The following KCTD19 variants were observed in gnomAD, a reference collection of about 807,000 sequenced individuals.
The protein encoded by KCTD19 is BTB/POZ domain-containing protein KCTD19.
Under a neutral mutation model 103.5 loss-of-function variants are expected in KCTD19, and 67 were observed. That is an observed-to-expected ratio of 0.65 (90% CI 0.53 to 0.79). The LOEUF (loss-of-function observed/expected upper bound fraction) is 0.79. KCTD19 is among the 30% of genes least tolerant of loss of function. KCTD19 has a pLI of 0.00. For synonymous variants in KCTD19, 439 were observed against 452.2 expected (o/e 0.97, Z 0.37); for missense variants, 980 against 1,136.1 (o/e 0.86, Z 1.98).
intron 7 of KCTD19, among the ~76,000 whole-genome samples, chr16:67,297,092 C>T (rs1290484289): frequency 1.3e-5 from 2 of 152,232 alleles, no homozygotes; most frequent in Non-Finnish European, 2.9e-5. Context: ...CTCAGTCAAA[C>T]CCCAGCTTGA....
rs1284583888 is a variant in KCTD19, at chr16:67,299,693, T to A, written c.776-120A>T. On this transcript the variant is annotated intron_variant, in intron 5 of 15. Coordinates refer to ENST00000304372, the MANE Select transcript of KCTD19 (RefSeq NM_001100915.3). The stretch of plus-strand genomic sequence containing the variant: ...ACCGAGGAGGCTCAGAGGAAGGATA[T>A]TTCTTTGCACAGTCCAAATCAAGAT... 4 of 757,686 alleles carry A rather than the reference T, an allele frequency of 5.3e-6. No homozygotes were observed. The African/African-American group carries it at 7.0e-5, about 13-fold the overall frequency. The allele number at this position is 757,686 out of a possible 1,614,324, so 46.9% of individuals were successfully genotyped here. A position where few individuals can be genotyped will look rare whatever the true frequency, so the allele number is the denominator to read the frequency against.
rs900322469 is a variant in KCTD19, at chr16:67,297,651, C to G, written c.999G>C (p.Gly333=). ...TCTCTGTCAGGGGCAGCCGGCAAGT[C>G]CCCAGCCAGTTCCTGCCCAGAGGAA... is the stretch of plus-strand genomic sequence containing the variant. ...VLFQHVKNWL[G]TCRLPLTETI... The change falls in exon 7 of 16, where the codon GGG becomes GGC. Residue 333 remains glycine, a synonymous_variant. Coordinates refer to ENST00000304372, the MANE Select transcript of KCTD19 (RefSeq NM_001100915.3). 6.2e-7 allele frequency: 1 copy of G among 1,613,656 alleles called. No individual in the cohort carries two copies. Among genetic ancestry groups the G allele is most frequent in the African/African-American group, 1.3e-5 (1 of 74,908 alleles).
chr16:67,311,867 C>T (rs543223923), intron 2 of KCTD19, among the ~76,000 whole-genome samples: 1 of 152,258 alleles, frequency 6.6e-6, no homozygotes, highest in South Asian at 2.1e-4. Flanking sequence ...CATCCACTTA[C>T]CCACACCACA....
intron 1 of KCTD19, among the ~76,000 whole-genome samples, chr16:67,321,412 T>C (rs1056963620): frequency 2.0e-5 from 3 of 152,086 alleles, no homozygotes; most frequent in Non-Finnish European, 2.9e-5. Flanking sequence ...TTGTTGAAAA[T>C]TTAAAAGACC....
rs2037098850 is a variant in KCTD19, at chr16:67,323,606, G to T, written c.4-2721C>A. ...ATTCGAAACATTATGCCAAGGGAAA[G>T]AAGCCAAACAAAAAATCACATATGA... On this transcript the variant is annotated intron_variant, in intron 1 of 15. Transcript: ENST00000304372. The surrounding 1 kb of genome is among the most constrained non-coding windows in gnomAD (Gnocchi z 4.1). Among the ~76,000 whole-genome samples the T allele has an allele frequency of 1.3e-5, 2 of 152,296 alleles. No individual in the cohort carries two copies. The highest frequency in any genetic ancestry group is 1.9e-4 in the East Asian group (1 of 5,186).
At chr16:67,322,810 GT>G (rs2037090214) in intron 1 of KCTD19, among the ~76,000 whole-genome samples, 1 of 152,154 alleles carries the variant, frequency 6.6e-6, no homozygotes, top group Admixed American at 6.5e-5. Context: ...CAAATCATTT[GT>G]CTGATAAAGA....
At chr16:67,313,623 C>T (rs1473516605) in intron 2 of KCTD19, among the ~76,000 whole-genome samples, 1 of 152,110 alleles carries the variant, frequency 6.6e-6, no homozygotes. Context: ...GAGTCTTGCT[C>T]TGCTGCCCAG....
chr16:67,296,287 T>G (rs1024591366), intron 7 of KCTD19, 28 bp from the exon 8 acceptor site: 2 of 1,404,668 alleles, frequency 1.4e-6, no homozygotes, highest in African/African-American at 2.8e-5. Context: ...ATAGAACACA[T>G]CATCATATGG....
intron 1 of KCTD19, among the ~76,000 whole-genome samples, chr16:67,325,714 C>A (rs1239968129): frequency 6.6e-6 from 1 of 152,106 alleles, no homozygotes; most frequent in African/African-American, 2.4e-5. Flanking sequence ...GCAGAGCTAT[C>A]GCAGCCTGGC....
chr16:67,290,201 G>A (rs1392852268), intron 15 of KCTD19, among the ~76,000 whole-genome samples: 2 of 131,916 alleles, frequency 1.5e-5, no homozygotes, highest in Admixed American at 8.1e-5. Flanking sequence ...TTTTTGAGAC[G>A]GAGTCTCGCT....
Position 67,326,738 on chromosome 16 carries a change from T to C in KCTD19, c.-31A>G. 1 of 1,564,382 alleles carries C rather than the reference T, an allele frequency of 6.4e-7. No homozygotes were observed. The highest frequency in any genetic ancestry group is 8.6e-7 in the Non-Finnish European group (1 of 1,161,230). ...CGGCTCCAGCAGCGGGCGGGCGGGC[T>C]TGTGACCCGGCCAATAACGGTTCCC... On this transcript the variant is annotated 5_prime_UTR_variant, in exon 1 of 16. Transcript: ENST00000304372.
At position 67,289,444 on chromosome 16, in the gene KCTD19, T is replaced by C. The variant is rs2036639793; in HGVS notation, c.*125A>G. 3.6e-6 allele frequency: 2 copies of C among 560,964 alleles called. No homozygotes were observed. The highest frequency in any genetic ancestry group is 5.5e-5 in the South Asian group (2 of 36,198). 34.7% of individuals were successfully genotyped at this position (560,964 alleles called of 1,614,324 possible). Reference sequence around the variant, plus strand: ...TAGGTCTTTGATGTGTGATTTAATCTTTTATTTGTTTATAATAAAAAATAG... The same window carrying C: ...TAGGTCTTTGATGTGTGATTTAATCCTTTATTTGTTTATAATAAAAAATAG... On this transcript the variant is annotated 3_prime_UTR_variant, in exon 16 of 16. Coordinates refer to ENST00000304372, the MANE Select transcript of KCTD19 (RefSeq NM_001100915.3).
intron 5 of KCTD19, chr16:67,299,927 C>T (rs1000217128): frequency 2.5e-5 from 6 of 241,920 alleles, no homozygotes; most frequent in Admixed American, 5.5e-5. Context: ...AGGTAAAGAA[C>T]GGCAACCATG....
Position 67,303,138 on chromosome 16 carries a change from GCAATCACCAATGAA to G in KCTD19, c.637_643+7del. The G allele has an allele frequency of 6.3e-7, 1 of 1,597,754 alleles. No individual in the cohort carries two copies. On this transcript the variant is annotated splice_donor_variant and splice_donor_5th_base_variant and coding_sequence_variant and intron_variant, in exon 4 of 16. Coordinates refer to ENST00000304372, the MANE Select transcript of KCTD19 (RefSeq NM_001100915.3). LOFTEE classifies it high-confidence loss of function. The surrounding 1 kb of genome is among the most constrained non-coding windows in gnomAD (Gnocchi z 4.3). The stretch of plus-strand genomic sequence containing the variant: ...CGCCCCCCACCCCACCCCGGACAGA[GCAATCACCAATGAA>G]GCGGAACTCGCTGCACTCGCACTCG...
chr16:67,291,236 C>T, intron 14 of KCTD19, 73 bp downstream of exon 14: 1 of 1,543,232 alleles, frequency 6.5e-7, no homozygotes, highest in Non-Finnish European at 8.8e-7. Flanking sequence ...TGCCTTGCAC[C>T]ACTTATTGTG....
Position 67,326,723 on chromosome 16 carries a change from AGCGG to A in KCTD19, c.-20_-17del, listed in dbSNP as rs747767867. ...TCCGTACCATGGTCGCGGCTCCAGC[AGCGG>A]GCGGGCGGGCTTGTGACCCGGCCAA... On this transcript the variant is annotated 5_prime_UTR_variant, in exon 1 of 16. Coordinates refer to ENST00000304372, the MANE Select transcript of KCTD19 (RefSeq NM_001100915.3). 18 of 1,573,992 alleles carry A rather than the reference AGCGG, an allele frequency of 1.1e-5. No individual in the cohort carries two copies. The highest frequency in any genetic ancestry group is 1.0e-4 in the East Asian group (4 of 39,862).
At chr16:67,289,884 C>T (rs1000129864) in intron 15 of KCTD19, among the ~76,000 whole-genome samples, 32 of 152,178 alleles carry the variant, frequency 2.1e-4, no homozygotes, top group Admixed American at 1.2e-3. Flanking sequence ...GCAGAAAGAC[C>T]GGAGGTTCAA....
chr16:67,309,445 G>C (rs535539109), intron 2 of KCTD19, among the ~76,000 whole-genome samples: 3 of 152,240 alleles, frequency 2.0e-5, no homozygotes, highest in East Asian at 3.9e-4. Context: ...AGGGAGAGAG[G>C]ATGGCAAGAA....
chr16:67,318,335 G>C (rs913993307), intron 2 of KCTD19, among the ~76,000 whole-genome samples: 2 of 152,148 alleles, frequency 1.3e-5, no homozygotes, highest in Admixed American at 6.5e-5. Flanking sequence ...GCCAAGGCGG[G>C]AGGATCGCTT....
Sources: allele counts gnomAD v4.1 joint callset (sites outside exome capture counted in the v4.1 genomes callset), GRCh38; gene constraint gnomAD v4.1.1; non-coding constraint Gnocchi (gnomAD v3.1); transcripts MANE v1.5; gene names NCBI Gene and HGNC (gene_info 2026-07-23, HGNC 2026-07-21).